Variants in KCNIP4 observed in about 807,000 individuals in gnomAD.
KCNIP4 encodes the protein Kv channel-interacting protein 4.
In KCNIP4, 12 loss-of-function variants were observed where a neutral mutation model predicts 34.0. That is an observed-to-expected ratio of 0.35 (90% CI 0.23 to 0.57). The LOEUF (loss-of-function observed/expected upper bound fraction) is 0.57. Among genes scored for constraint, KCNIP4 ranks in the 20% least tolerant of loss-of-function variants. KCNIP4 has a pLI of 0.83. For synonymous variants in KCNIP4, 124 were observed against 102.2 expected (o/e 1.21, Z -1.29); for missense variants, 238 against 311.7 (o/e 0.76, Z 1.78).
intron 1 of KCNIP4, among the ~76,000 whole-genome samples, chr4:21,521,978 GAT>G (rs1735568769): frequency 6.6e-6 from 1 of 152,018 alleles, no homozygotes; most frequent in African/African-American, 2.4e-5. Context: ...TTCAAGGCAT[GAT>G]ACCAACTCTA....
intron 1 of KCNIP4, among the ~76,000 whole-genome samples, chr4:21,246,591 A>G (rs1021228000): frequency 6.6e-6 from 1 of 152,098 alleles, no homozygotes; most frequent in Admixed American, 6.6e-5. Flanking sequence ...TTTTCCCTCA[A>G]GCAGCAGGCA....
At chr4:20,796,116 G>A (rs1713420155) in intron 3 of KCNIP4, among the ~76,000 whole-genome samples, 1 of 152,168 alleles carries the variant, frequency 6.6e-6, no homozygotes, top group Admixed American at 6.5e-5. Flanking sequence ...AGGAAAATGT[G>A]TCGGATGTTT....
chr4:21,813,987 A>G (rs1419424181), intron 1 of KCNIP4, among the ~76,000 whole-genome samples: 4 of 152,100 alleles, frequency 2.6e-5, no homozygotes, highest in African/African-American at 9.7e-5. Flanking sequence ...TCCTATCCAG[A>G]TATTGAGTTA....
rs559330868 is a variant in KCNIP4, at chr4:21,441,088, A to C, written c.61+507483T>G. Among the ~76,000 whole-genome samples the C allele has an allele frequency of 2.7e-5, 4 of 150,170 alleles. No individual in the cohort carries two copies. In the South Asian group the frequency reaches 8.5e-4, roughly 32 times the overall value. ...TCATCTTCTGTATCAAATTTAAATT[A>C]TTCTCACTGCTTCAGGGTCTTCTAT... On this transcript the variant is annotated intron_variant, in intron 1 of 8. Coordinates refer to ENST00000382152, the MANE Select transcript of KCNIP4 (RefSeq NM_025221.6).
intron 1 of KCNIP4, among the ~76,000 whole-genome samples, chr4:20,895,593 A>T (rs2149543319): frequency 6.6e-6 from 1 of 152,306 alleles, no homozygotes; most frequent in South Asian, 2.1e-4. Context: ...ACTGTATTTA[A>T]TTTTCATCTT....
At chr4:20,822,730 CA>C (rs1365172640) in intron 3 of KCNIP4, among the ~76,000 whole-genome samples, 1 of 152,052 alleles carries the variant, frequency 6.6e-6, no homozygotes, top group Non-Finnish European at 1.5e-5. Flanking sequence ...TTCACGGGGC[CA>C]GGGGTGGAAT....
rs568132325 is a variant in KCNIP4 at position 21,062,800 on chromosome 4, T to C, written c.62-180091A>G. 5.3e-5 allele frequency among the ~76,000 whole-genome samples: 8 copies of C among 152,174 alleles called. No homozygotes were observed. The East Asian group carries it at 1.4e-3, about 26-fold the overall frequency. On this transcript the variant is annotated intron_variant, in intron 1 of 8. Transcript: ENST00000382152. ...GAAGGCAAGAACAATTCCCCTTTAC[T>C]TGAGGGAGGGTCAGCCTTTTTGTTC... is the stretch of plus-strand genomic sequence containing the variant.
At chr4:21,134,361 G>C (rs1336115052) in intron 1 of KCNIP4, among the ~76,000 whole-genome samples, 1 of 151,930 alleles carries the variant, frequency 6.6e-6, no homozygotes, top group Non-Finnish European at 1.5e-5. Context: ...TGTTTACTTA[G>C]TTGTAAGAAT....
rs191917967 is a variant in KCNIP4 at position 21,325,749 on chromosome 4, C to T, written c.62-443040G>A. 2.2e-3 allele frequency among the ~76,000 whole-genome samples: 340 copies of T among 151,946 alleles called. 1 individual carries two copies. The highest frequency in any genetic ancestry group is 6.8e-3 in the Middle Eastern group (2 of 294). On this transcript the variant is annotated intron_variant, in intron 1 of 8. Transcript: ENST00000382152. ...GGCACTTACGGCCATAAATTTTCCT[C>T]TTAAGACTCCTTTTGCTATATCTCA...
chr4:21,606,403 C>T (rs1477323191), intron 1 of KCNIP4, among the ~76,000 whole-genome samples: 2 of 152,100 alleles, frequency 1.3e-5, no homozygotes, highest in Non-Finnish European at 2.9e-5. Flanking sequence ...TTTTCTATTG[C>T]TGCTGTACCG....
At chr4:21,557,211 T>C (rs1739136910) in intron 1 of KCNIP4, among the ~76,000 whole-genome samples, 2 of 152,236 alleles carry the variant, frequency 1.3e-5, no homozygotes, top group South Asian at 4.1e-4. Context: ...TCTACGGAGA[T>C]GAACTTTCCT....
At chr4:20,979,451 T>G (rs1005941464) in intron 1 of KCNIP4, among the ~76,000 whole-genome samples, 20 of 149,018 alleles carry the variant, frequency 1.3e-4, no homozygotes, top group Non-Finnish European at 2.8e-4. Context: ...CAGGCTGGAG[T>G]GCAGTGGCGA....
intron 1 of KCNIP4, among the ~76,000 whole-genome samples, chr4:21,011,905 C>T (rs968472925): frequency 6.6e-6 from 1 of 152,148 alleles, no homozygotes; most frequent in Admixed American, 6.5e-5. Context: ...GCTTCTGTGG[C>T]ATAATCAAGA....
intron 1 of KCNIP4, among the ~76,000 whole-genome samples, chr4:21,325,562 T>C (rs187182642): frequency 6.6e-5 from 10 of 151,978 alleles, no homozygotes; most frequent in African/African-American, 1.9e-4. Flanking sequence ...TTATGTTTCA[T>C]TGATCTTTTT....
intron 1 of KCNIP4, among the ~76,000 whole-genome samples, chr4:21,878,372 G>A (rs116104288): frequency 0.01 from 1,530 of 152,194 alleles, 33 homozygotes; most frequent in African/African-American, 0.035. Flanking sequence ...CACAGTACCC[G>A]GCCTTGCCCT....
intron 1 of KCNIP4, among the ~76,000 whole-genome samples, chr4:20,992,124 A>G (rs1205009040): frequency 1.3e-5 from 2 of 152,218 alleles, no homozygotes; most frequent in East Asian, 1.9e-4. Flanking sequence ...TCATACTACT[A>G]TGAAGAAATA....
intron 1 of KCNIP4, among the ~76,000 whole-genome samples, chr4:21,589,263 CAGAT>C (rs1741958119): frequency 9.5e-6 from 1 of 105,340 alleles, no homozygotes; most frequent in Non-Finnish European, 1.9e-5. Context: ...TGTATCTATA[CAGAT>C]ACATATATGT....
chr4:21,396,987 A>G (rs192109777), intron 1 of KCNIP4, among the ~76,000 whole-genome samples: 75 of 152,356 alleles, frequency 4.9e-4, no homozygotes, highest in Middle Eastern at 3.4e-3. Flanking sequence ...CTACAATAGG[A>G]AACCAACAGA....
chr4:21,012,940 G>A (rs1739188184), intron 1 of KCNIP4, among the ~76,000 whole-genome samples: 3 of 152,140 alleles, frequency 2.0e-5, no homozygotes. Context: ...TTAATTCCAA[G>A]GTGTGACTCA....
Sources: gnomAD v4.1 joint callset for allele counts (sites outside exome capture counted in the v4.1 genomes callset) on GRCh38, gnomAD v4.1.1 for gene constraint, MANE v1.5 for transcripts, NCBI Gene and HGNC (gene_info 2026-07-23, HGNC 2026-07-21) for gene names.